ZNF844: variants seen among roughly 807,000 people sequenced by gnomAD.
The protein encoded by ZNF844 is zinc finger protein 844.
A neutral mutation model predicts 11.4 loss-of-function variants in ZNF844; 11 were observed. The ratio of observed to expected loss-of-function variants is 0.97; its 90% CI spans 0.61 to 1.60. The LOEUF (loss-of-function observed/expected upper bound fraction) is 1.60. ZNF844 is among the 40% of genes most tolerant of loss of function. ZNF844 has a pLI of 0.00. For synonymous variants in ZNF844, 248 were observed against 260.3 expected (o/e 0.95, Z 0.46); for missense variants, 790 against 796.8 (o/e 0.99, Z 0.10).
Position 12,077,747 on chromosome 19 carries a change from AT to A in ZNF844, c.*629del, listed in dbSNP as rs1338778883. 2 of 389,318 alleles carry A rather than the reference AT, an allele frequency of 5.1e-6. No individual in the cohort carries two copies. Among genetic ancestry groups the A allele is most frequent in the African/African-American group, 2.1e-5 (1 of 47,490 alleles). The allele number at this position is 389,318 out of a possible 1,614,324, so 24.1% of individuals were successfully genotyped here. On this transcript the variant is annotated 3_prime_UTR_variant, in exon 4 of 4. Coordinates refer to ENST00000439326, the MANE Select transcript of ZNF844 (RefSeq NM_001136501.3). ...ATAAGCAATATGGGAAAGCCTTCAG[AT>A]TTGCTAAGAACCTTCAAATACAGAC...
rs758871063 is a variant in ZNF844, at chr19:12,077,126, G to A, written c.*5G>A. On this transcript the variant is annotated 3_prime_UTR_variant, in exon 4 of 4. Coordinates refer to ENST00000439326, the MANE Select transcript of ZNF844 (RefSeq NM_001136501.3). ...AAAGGGCTCACACTGGAGTGAAACC[G>A]TATGAATGCAAGGAATGTGGCAAAG... 135 of 1,598,122 alleles carry A rather than the reference G, an allele frequency of 8.4e-5. No homozygotes were observed. Among genetic ancestry groups the A allele is most frequent in the East Asian group, 1.6e-4 (7 of 44,332 alleles).
Position 12,074,070 on chromosome 19 carries a change from C to T in ZNF844, c.43C>T (p.Gln15Ter), listed in dbSNP as rs1975780612. 1.2e-6 allele frequency: 2 copies of T among 1,613,664 alleles called. No homozygotes were observed. Among genetic ancestry groups the T allele is most frequent in the Non-Finnish European group, 1.7e-6 (2 of 1,179,720 alleles). The change falls in exon 2 of 4, where the codon CAG becomes TAG. Residue 15 changes from glutamine to a stop codon, truncating the protein, a stop_gained. Coordinates refer to ENST00000439326, the MANE Select transcript of ZNF844 (RefSeq NM_001136501.3). LOFTEE classifies it high-confidence loss of function. ...AFEDVAVNFT[Q>*]EEWSLLDPSQ... ...CGAGGATGTGGCTGTGAACTTCACCCAGGAGGAGTGGTCTTTGCTGGATCC... is the reference window on the plus strand; with the variant it reads ...CGAGGATGTGGCTGTGAACTTCACCTAGGAGGAGTGGTCTTTGCTGGATCC...
chr19:12,074,041 CT>C lies in ZNF844; in HGVS notation c.17del (p.Phe6SerfsTer6), dbSNP rs749288784. 766 of 1,612,860 alleles carry C rather than the reference CT, an allele frequency of 4.7e-4. 2 individuals are homozygous for C. Among genetic ancestry groups the C allele is most frequent in the Non-Finnish European group, 6.3e-4 (739 of 1,179,250 alleles). On this transcript the variant is annotated frameshift_variant, in exon 2 of 4. Coordinates refer to ENST00000439326, the MANE Select transcript of ZNF844 (RefSeq NM_001136501.3). LOFTEE classifies it high-confidence loss of function. Reference protein sequence around the residue: MDLVAFEDVAVNFTQ... With the variant: MDLVXFEDVAVNFTQ... ...TGTGGGATGTTTCAGGACTTGGTGG[CT>C]TTCGAGGATGTGGCTGTGAACTTCA...
Position 12,076,594 on chromosome 19 carries a change from G to A in ZNF844, c.1474G>A (p.Asp492Asn), listed in dbSNP as rs185145992. 1.5e-4 allele frequency: 242 copies of A among 1,609,242 alleles called. No homozygotes were observed. In the African/African-American group the frequency reaches 2.7e-3, roughly 18 times the overall value. ...GCCTTCATTTTTTCCACTTCCTTTC[G>A]ATATCATGAAAGGACTCACACTGGA... Reference protein sequence around the residue: ...VKPSFFPLPFDIMKGLTLERN... With the variant: ...VKPSFFPLPFNIMKGLTLERN... The change falls in exon 4 of 4, where the codon GAT (aspartate) becomes AAT (asparagine). Residue 492 changes from aspartate to asparagine, a missense_variant. Physicochemically the swap from Asp to Asn is conservative, Grantham distance 23. Transcript: ENST00000439326.
chr19:12,071,971 T>C (rs1429688449), intron 1 of ZNF844, among the ~76,000 whole-genome samples: 2 of 151,220 alleles, frequency 1.3e-5, no homozygotes, highest in Non-Finnish European at 2.9e-5. Flanking sequence ...CACTGCAACC[T>C]CTGCCTCCTG....
At chr19:12,074,228 A>T (rs1975783092) in intron 2 of ZNF844, 71 bp downstream of exon 2, 1 of 1,592,594 alleles carries the variant, frequency 6.3e-7, no homozygotes, top group East Asian at 2.2e-5. Context: ...CTATTCCTTG[A>T]TTTGGAATAT....
Position 12,080,252 on chromosome 19 carries a change from A to G in ZNF844, c.*3131A>G, listed in dbSNP as rs567615348. 3.4e-4 allele frequency: 73 copies of G among 216,076 alleles called. No homozygotes were observed. The highest frequency in any genetic ancestry group is 1.5e-4 in the Non-Finnish European group (16 of 107,386). 13.4% of individuals were successfully genotyped at this position (216,076 alleles called of 1,614,324 possible). ...GTAGTCCCAGCTACTCGGGAGGCTG[A>G]AGCAGGAGAATGGCGTGAATCCAGG... On this transcript the variant is annotated 3_prime_UTR_variant, in exon 4 of 4. Coordinates refer to ENST00000439326, the MANE Select transcript of ZNF844 (RefSeq NM_001136501.3).
At position 12,077,010 on chromosome 19, in the gene ZNF844, A is replaced by C. The variant is rs755654473; in HGVS notation, c.1890A>C (p.Val630=). The change falls in exon 4 of 4, where the codon GTA becomes GTC. Residue 630 remains valine, a synonymous_variant. Coordinates refer to ENST00000439326, the MANE Select transcript of ZNF844 (RefSeq NM_001136501.3). ...EKRSIIFLLC[V]YTKGCTLERN... is the part of the protein sequence containing the mutation. ...GTTCAATTATTTTTCTTCTTTGCGT[A>C]TACACAAAAGGATGCACACTGGAGA... 6.3e-7 allele frequency: 1 copy of C among 1,596,294 alleles called. No individual in the cohort carries two copies. Among genetic ancestry groups the C allele is most frequent in the South Asian group, 1.1e-5 (1 of 88,960 alleles).
Position 12,078,558 on chromosome 19 carries a change from A to G in ZNF844, c.*1437A>G, listed in dbSNP as rs1223177541. On this transcript the variant is annotated 3_prime_UTR_variant, in exon 4 of 4. Coordinates refer to ENST00000439326, the MANE Select transcript of ZNF844 (RefSeq NM_001136501.3). Reference sequence around the variant, plus strand: ...AATATTACCAAGTGGACAAAATCCCAGGCATCTTTTTCCTCATGTAAATTT... The same window carrying G: ...AATATTACCAAGTGGACAAAATCCCGGGCATCTTTTTCCTCATGTAAATTT... The G allele has an allele frequency of 5.9e-5, 9 of 152,210 alleles. No homozygotes were observed. The highest frequency in any genetic ancestry group is 5.9e-4 in the Admixed American group (9 of 15,284). The allele number at this position is 152,210 out of a possible 1,614,324, so 9.4% of individuals were successfully genotyped here.
At chr19:12,069,323 C>T (rs1014661016) in intron 1 of ZNF844, among the ~76,000 whole-genome samples, 17 of 150,964 alleles carry the variant, frequency 1.1e-4, no homozygotes, top group Admixed American at 2.7e-4. Context: ...GCTGGGATTA[C>T]AGGCGCCCAG....
chr19:12,080,362 A>T lies in ZNF844; in HGVS notation c.*3241A>T. 5.2e-6 allele frequency: 2 copies of T among 382,594 alleles called. No homozygotes were observed. The highest frequency in any genetic ancestry group is 3.9e-5 in the South Asian group (2 of 51,500). 23.7% of individuals were successfully genotyped at this position (382,594 alleles called of 1,614,324 possible). ...ACTCCGTCTCAAAAAAAAAAAAAAAAAAAAGAGAAGTCTGACAGGACAATA... is the reference window on the plus strand; with the variant it reads ...ACTCCGTCTCAAAAAAAAAAAAAAATAAAAGAGAAGTCTGACAGGACAATA... On this transcript the variant is annotated 3_prime_UTR_variant, in exon 4 of 4. Coordinates refer to ENST00000439326, the MANE Select transcript of ZNF844 (RefSeq NM_001136501.3).
intron 1 of ZNF844, among the ~76,000 whole-genome samples, chr19:12,069,793 A>G (rs1020478919): frequency 6.6e-6 from 1 of 151,668 alleles, no homozygotes; most frequent in Non-Finnish European, 1.5e-5. Flanking sequence ...CGTCTCTACT[A>G]AAAATACAAA....
In ZNF844 at chr19:12,079,815, A is replaced by C. The variant is rs1975874153; in HGVS notation, c.*2694A>C. 1 of 152,086 alleles carries C rather than the reference A, an allele frequency of 6.6e-6. No homozygotes were observed. The highest frequency in any genetic ancestry group is 1.5e-5 in the Non-Finnish European group (1 of 68,228). 9.4% of individuals were successfully genotyped at this position (152,086 alleles called of 1,614,324 possible). A position where few individuals can be genotyped will look rare whatever the true frequency, so the allele number is the denominator to read the frequency against. On this transcript the variant is annotated 3_prime_UTR_variant, in exon 4 of 4. Coordinates refer to ENST00000439326, the MANE Select transcript of ZNF844 (RefSeq NM_001136501.3). ...CAAAAAATTAGATGGGCATGGTGGC[A>C]CATGCCTGTAATCCCAGCTACATGG...
intron 1 of ZNF844, among the ~76,000 whole-genome samples, chr19:12,066,946 A>G (rs573534301): frequency 1.3e-5 from 2 of 152,192 alleles, no homozygotes; most frequent in Non-Finnish European, 2.9e-5. Context: ...TTTGACTGCC[A>G]TAATTTTTTC....
At position 12,075,880 on chromosome 19, in the gene ZNF844, G is replaced by A; in HGVS notation, c.760G>A (p.Glu254Lys). The change falls in exon 4 of 4, where the codon GAA becomes AAA. Residue 254 changes from glutamate (E) to lysine (K), a missense_variant. Glu to Lys is a moderately conservative substitution (Grantham distance 56). This residue lies in a region of ZNF844 where 657 missense variants were observed against 636.2 expected (regional missense o/e 1.03). Coordinates refer to ENST00000439326, the MANE Select transcript of ZNF844 (RefSeq NM_001136501.3). ...AACTCACACTGGAGAGAAGCCTTATGAATGTAAGGAATGTGGGAAAGCATT... is the reference window on the plus strand; with the variant it reads ...AACTCACACTGGAGAGAAGCCTTATAAATGTAAGGAATGTGGGAAAGCATT... ...ERTHTGEKPY[E>K]CKECGKAFGS... 5 of 1,609,754 alleles carry A rather than the reference G, an allele frequency of 3.1e-6. No homozygotes were observed. The highest frequency in any genetic ancestry group is 4.2e-6 in the Non-Finnish European group (5 of 1,177,558).
rs1252689884 is a variant in ZNF844 at position 12,076,666 on chromosome 19, C to T, written c.1546C>T (p.Pro516Ser). The T allele has an allele frequency of 6.2e-7, 1 of 1,613,790 alleles. No homozygotes were observed. The highest frequency in any genetic ancestry group is 1.1e-5 in the South Asian group (1 of 91,072). The change falls in exon 4 of 4, where the codon CCT becomes TCT. Residue 516 changes from proline to serine, a missense_variant. Coordinates refer to ENST00000439326, the MANE Select transcript of ZNF844 (RefSeq NM_001136501.3). ...VSNVGKPSHL[P>S]HTFKCMKGLT... ...CAATGTGGGAAAGCCTTCACATCTG[C>T]CTCACACCTTCAAATGCATGAAAGG...
chr19:12,075,779 C>G lies in ZNF844; in HGVS notation c.659C>G (p.Thr220Ser), dbSNP rs1975803997. The G allele has an allele frequency of 1.2e-6, 2 of 1,612,876 alleles. No individual in the cohort carries two copies. Among genetic ancestry groups the G allele is most frequent in the Non-Finnish European group, 1.7e-6 (2 of 1,179,458 alleles). Residue 220 changes from threonine (T) to serine (S), a missense_variant, in exon 4 of 4, where the codon ACT (threonine) becomes AGT (serine). Thr to Ser is a moderately conservative substitution (Grantham distance 58). Transcript: ENST00000439326. ...TATCTTATACATGAACGAGTTCACACTGGAGAGAAACCATATAAATGTAAA... is the reference window on the plus strand; with the variant it reads ...TATCTTATACATGAACGAGTTCACAGTGGAGAGAAACCATATAAATGTAAA... ...SIYLIHERVH[T>S]GEKPYKCKQC...
intron 1 of ZNF844, among the ~76,000 whole-genome samples, chr19:12,068,098 C>T (rs1975713575): frequency 6.6e-6 from 1 of 151,986 alleles, no homozygotes; most frequent in South Asian, 2.1e-4. Flanking sequence ...CCTTTGAGCT[C>T]AGGAGTTTGA....
chr19:12,065,708 G>A (rs1285960268), intron 1 of ZNF844, among the ~76,000 whole-genome samples: 1 of 151,188 alleles, frequency 6.6e-6, no homozygotes, highest in African/African-American at 2.4e-5. Flanking sequence ...CACGATCTGG[G>A]CTCAGTGCAA....
Sources: gnomAD v4.1 joint callset for allele counts (sites outside exome capture counted in the v4.1 genomes callset) on GRCh38, gnomAD v4.1.1 for gene constraint, gnomAD v4.1.1 regional missense constraint, MANE v1.5 for transcripts, NCBI Gene and HGNC (gene_info 2026-07-23, HGNC 2026-07-21) for gene names.